Variants in RP1 observed in about 807,000 individuals in gnomAD.
RP1 encodes the protein RP1 axonemal microtubule associated.
Under a neutral mutation model 14.8 loss-of-function variants are expected in RP1, and 16 were observed. The observed-to-expected ratio is 1.08, with a 90% CI of 0.73 to 1.65. The LOEUF (loss-of-function observed/expected upper bound fraction) is 1.65. Among genes scored for constraint, RP1 ranks in the 40% most tolerant of loss-of-function variants. The pLI is 0.00. For missense variants in RP1, 2,631 were observed against 2,535.0 expected, an observed-to-expected ratio of 1.04 and a Z score of -0.81; for synonymous variants, 876 against 883.6, an observed-to-expected ratio of 0.99 and a Z score of 0.15.
chr8:54,697,016 C>T (rs1411515435), intron 12 of RP1: 1 of 1,423,996 alleles, frequency 7.0e-7, no homozygotes, highest in Non-Finnish European at 9.8e-7. Context: ...ATGGTTCTTG[C>T]ACCCTTTCCA....
intron 8 of RP1, among the ~76,000 whole-genome samples, chr8:54,675,991 G>A (rs143421469): frequency 1.1e-4 from 16 of 152,142 alleles, no homozygotes; most frequent in Non-Finnish European, 1.9e-4. Flanking sequence ...CTCCCATGGT[G>A]GAAGGGCAAA....
Position 54,796,087 on chromosome 8 carries a change from G to A in RP1, c.3615+12377G>A, listed in dbSNP as rs188969368. Among the ~76,000 whole-genome samples the A allele has an allele frequency of 2.4e-3, 365 of 152,162 alleles. 2 individuals carry two copies. The highest frequency in any genetic ancestry group is 4.3e-3 in the Non-Finnish European group (290 of 68,008). The stretch of plus-strand genomic sequence containing the variant: ...CTCAATTGGTAGCCAAGGAATTATC[G>A]GGTGGACAGATAGTGCAGTGATAGG... On this transcript the variant is annotated intron_variant, in intron 24 of 28. Coordinates refer to the RP1 transcript ENST00000637698.
chr8:54,689,861 T>G (rs558866862), intron 12 of RP1, among the ~76,000 whole-genome samples: 2 of 152,128 alleles, frequency 1.3e-5, no homozygotes, highest in South Asian at 4.2e-4. Flanking sequence ...AGTCACCATA[T>G]CTCTAATACA....
chr8:54,837,670 G>A lies in RP1; in HGVS notation c.3835+1G>A. 2.4e-6 allele frequency: 3 copies of A among 1,224,918 alleles called. No homozygotes were observed. The highest frequency in any genetic ancestry group is 3.1e-6 in the Non-Finnish European group (3 of 981,520). The allele number at this position is 1,224,918 out of a possible 1,614,324, so 75.9% of individuals were successfully genotyped here. ...GGACCAAAGAAAGCACCTTTGCCAG[G>A]TATATAATTTCATTTCCTTTGTGAT... On this transcript the variant is annotated splice_donor_variant, in intron 25 of 28. Transcript: ENST00000637698. LOFTEE classifies it high-confidence loss of function.
intron 24 of RP1, among the ~76,000 whole-genome samples, chr8:54,809,902 G>A (rs112701020): frequency 3.9e-5 from 6 of 152,286 alleles, no homozygotes; most frequent in African/African-American, 1.4e-4. Context: ...CAGTATTCCA[G>A]TTGGCAAGTG....
At chr8:54,855,828 G>T (rs925596035) in intron 26 of RP1, among the ~76,000 whole-genome samples, 1 of 151,936 alleles carries the variant, frequency 6.6e-6, no homozygotes, top group Non-Finnish European at 1.5e-5. Flanking sequence ...AACTTAAAAA[G>T]AATAACAATA....
chr8:54,849,310 C>CTT (rs1363708644), intron 25 of RP1, among the ~76,000 whole-genome samples: 1 of 151,912 alleles, frequency 6.6e-6, no homozygotes, highest in Non-Finnish European at 1.5e-5. Flanking sequence ...GACTAAGCAG[C>CTT]TGAGTTCATT....
intron 27 of RP1, among the ~76,000 whole-genome samples, chr8:54,858,814 A>G (rs985174987): frequency 6.6e-6 from 1 of 151,924 alleles, no homozygotes; most frequent in African/African-American, 2.4e-5. Flanking sequence ...GTCACTGTAG[A>G]TTGATGTCAC....
At chr8:54,760,823 C>T (rs982213295) in intron 22 of RP1, among the ~76,000 whole-genome samples, 2 of 152,202 alleles carry the variant, frequency 1.3e-5, no homozygotes, top group Non-Finnish European at 2.9e-5. Context: ...TCCTCAAGTT[C>T]CAATTCCAAT....
At chr8:54,592,109 A>G (rs1031969883) in intron 1 of RP1, among the ~76,000 whole-genome samples, 2 of 152,242 alleles carry the variant, frequency 1.3e-5, no homozygotes, top group African/African-American at 4.8e-5. Context: ...ACCCACCACA[A>G]GGATATATAT....
At chr8:54,622,351 C>T (rs1321883023) in intron 3 of RP1, 63 bp downstream of exon 3, 8 of 1,432,326 alleles carry the variant, frequency 5.6e-6, no homozygotes, top group African/African-American at 2.8e-5. Context: ...GCCTCAAGGA[C>T]GGCAAAATCC....
At chr8:54,697,428 G>A (rs1436111205) in intron 12 of RP1, among the ~76,000 whole-genome samples, 1 of 152,116 alleles carries the variant, frequency 6.6e-6, no homozygotes, top group African/African-American at 2.4e-5. Context: ...GGTGGCGCAT[G>A]CCTGTGATCC....
At chr8:54,749,801 T>C (rs1200218747) in intron 19 of RP1, among the ~76,000 whole-genome samples, 6 of 151,332 alleles carry the variant, frequency 4.0e-5, no homozygotes, top group Admixed American at 2.0e-4. Flanking sequence ...CTTGGGAAGA[T>C]GGGATGAGTG....
chr8:54,679,404 A>G, intron 9 of RP1: 13 of 1,529,960 alleles, frequency 8.5e-6, no homozygotes, highest in Non-Finnish European at 1.1e-5. Context: ...TAATCGATAC[A>G]CTTTTCTTTT....
At chr8:54,751,619 A>G (rs773633431) in intron 19 of RP1, among the ~76,000 whole-genome samples, 1 of 152,258 alleles carries the variant, frequency 6.6e-6, no homozygotes, top group African/African-American at 2.4e-5. Flanking sequence ...GTGCAAAGAC[A>G]TAAACCAAGG....
chr8:54,772,714 G>A (rs578035411), downstream of RP1, among the ~76,000 whole-genome samples: 2 of 152,286 alleles, frequency 1.3e-5, no homozygotes, highest in South Asian at 4.1e-4. Context: ...TTGAATGCAA[G>A]TGGTTCAACT....
chr8:54,865,902 G>A, exon 28 of RP1: 1 of 1,226,254 alleles, frequency 8.2e-7, no homozygotes, highest in Non-Finnish European at 1.0e-6. Context: ...AAGAGGTGCT[G>A]TTTCTATGCA....
In RP1 at chr8:54,629,961, G is replaced by A; in HGVS notation, c.6079G>A (p.Asp2027Asn). 1.9e-6 allele frequency: 3 copies of A among 1,613,996 alleles called. No individual in the cohort carries two copies. The highest frequency in any genetic ancestry group is 2.5e-6 in the Non-Finnish European group (3 of 1,179,954). The change falls in exon 4 of 4, where the codon GAT (aspartate) becomes AAT (asparagine). Residue 2027 changes from aspartate (D) to asparagine (N), a missense_variant. Transcript: ENST00000220676. ...AGGTAATTTAAAGAAATTTCAACCAGATTTGAAGGAAAGGTTTTGTATGAA... is the reference window on the plus strand; with the variant it reads ...AGGTAATTTAAAGAAATTTCAACCAAATTTGAAGGAAAGGTTTTGTATGAA... ...EEGNLKKFQP[D>N]LKERFCMNFL...
At chr8:54,580,300 C>CTTTTTT (rs906806636) in intron 1 of RP1, among the ~76,000 whole-genome samples, 28 of 80,200 alleles carry the variant, frequency 3.5e-4, no homozygotes, top group Non-Finnish European at 4.4e-4. Flanking sequence ...TCGTAGACTT[C>CTTTTTT]TTTTTTTTTT....
Sources: allele counts gnomAD v4.1 joint callset (sites outside exome capture counted in the v4.1 genomes callset), GRCh38; gene constraint gnomAD v4.1.1; transcripts MANE v1.5; gene names NCBI Gene and HGNC (gene_info 2026-07-23, HGNC 2026-07-21).